GPC6: variants seen among roughly 807,000 people sequenced by gnomAD.
The protein encoded by GPC6 is glypican-6.
Under a neutral mutation model 55.2 loss-of-function variants are expected in GPC6, and 14 were observed. The ratio of observed to expected loss-of-function variants is 0.25; its 90% CI spans 0.17 to 0.40. GPC6 has a LOEUF of 0.40. Among genes scored for constraint, GPC6 ranks in the 10% least tolerant of loss-of-function variants. The probability of loss-of-function intolerance (pLI) is 1.00; values close to 1 mark genes in which losing one functional copy is unlikely to be tolerated. For synonymous variants in GPC6, 278 were observed against 259.6 expected, an observed-to-expected ratio of 1.07 and a Z score of -0.68; for missense variants, 641 against 708.5, an observed-to-expected ratio of 0.90 and a Z score of 1.08.
At chr13:93,332,270 T>C (rs966410340) in intron 1 of GPC6, among the ~76,000 whole-genome samples, 4 of 151,772 alleles carry the variant, frequency 2.6e-5, no homozygotes, top group Non-Finnish European at 5.9e-5. Context: ...TCTTTTTTTT[T>C]TTTTTTTGCG....
At chr13:93,980,757 T>C (rs569162177) in intron 3 of GPC6, among the ~76,000 whole-genome samples, 2 of 152,250 alleles carry the variant, frequency 1.3e-5, no homozygotes, top group East Asian at 3.9e-4. Context: ...GGGGTACAAA[T>C]GTCTGGCCCC....
At chr13:94,249,927 C>T (rs188073095) in intron 4 of GPC6, among the ~76,000 whole-genome samples, 2 of 152,222 alleles carry the variant, frequency 1.3e-5, no homozygotes, top group East Asian at 1.9e-4. Context: ...GTGATAAATT[C>T]GAGATGTCTG....
At chr13:94,343,050 G>T (rs1878119629) in intron 6 of GPC6, among the ~76,000 whole-genome samples, 2 of 152,162 alleles carry the variant, frequency 1.3e-5, no homozygotes, top group African/African-American at 4.8e-5. Context: ...AGTGAGAAAG[G>T]CAGAGAATAA....
At chr13:93,529,846 C>G (rs890189104) in intron 1 of GPC6, among the ~76,000 whole-genome samples, 1 of 152,058 alleles carries the variant, frequency 6.6e-6, no homozygotes, top group East Asian at 1.9e-4. Flanking sequence ...AAAGTCTCTG[C>G]TTATTCTTCT....
At chr13:94,020,696 A>G (rs893803649) in intron 3 of GPC6, among the ~76,000 whole-genome samples, 2 of 152,072 alleles carry the variant, frequency 1.3e-5, no homozygotes, top group Non-Finnish European at 2.9e-5. Flanking sequence ...TTCCCTTTAC[A>G]TTGCATTTCC....
chr13:94,003,720 T>C (rs1881904270), intron 3 of GPC6, among the ~76,000 whole-genome samples: 1 of 152,140 alleles, frequency 6.6e-6, no homozygotes, highest in Non-Finnish European at 1.5e-5. Flanking sequence ...ATTGATTGTA[T>C]AGGTCGAGTG....
intron 4 of GPC6, among the ~76,000 whole-genome samples, chr13:94,165,158 A>G (rs1250450477): frequency 3.3e-5 from 5 of 151,478 alleles, no homozygotes; most frequent in Middle Eastern, 3.2e-3. Context: ...AATGCCTATC[A>G]GTCAACGAGT....
At chr13:94,067,561 GAGATAGATAGATAGATTAT>G (rs1302947438) in intron 4 of GPC6, among the ~76,000 whole-genome samples, 3 of 149,890 alleles carry the variant, frequency 2.0e-5, no homozygotes, top group Non-Finnish European at 4.4e-5. Flanking sequence ...GAGTCCATGA[GAGATAGATAGATAGATTAT>G]AGATAGATAG....
intron 4 of GPC6, among the ~76,000 whole-genome samples, chr13:94,055,935 T>G (rs1006773665): frequency 7.2e-5 from 11 of 152,226 alleles, no homozygotes; most frequent in Non-Finnish European, 2.9e-5. Context: ...GTGGGGAGGC[T>G]GATCTTGAAG....
At chr13:94,243,180 T>G (rs1228723835) in intron 4 of GPC6, among the ~76,000 whole-genome samples, 1 of 152,088 alleles carries the variant, frequency 6.6e-6, no homozygotes, top group Admixed American at 6.6e-5. Flanking sequence ...TATGCTAACT[T>G]GAAAACAAAT....
intron 4 of GPC6, among the ~76,000 whole-genome samples, chr13:94,157,507 G>C (rs1455893098): frequency 6.6e-6 from 1 of 152,164 alleles, no homozygotes; most frequent in Non-Finnish European, 1.5e-5. Context: ...AATGGGAGAA[G>C]TAATGGCCCA....
intron 2 of GPC6, among the ~76,000 whole-genome samples, chr13:93,606,199 G>A (rs1181405049): frequency 6.6e-6 from 1 of 152,154 alleles, no homozygotes; most frequent in Non-Finnish European, 1.5e-5. Context: ...CAATAAAATG[G>A]AATGTAGAAT....
intron 2 of GPC6, among the ~76,000 whole-genome samples, chr13:93,712,335 A>G (rs991946804): frequency 1.3e-5 from 2 of 151,738 alleles, no homozygotes; most frequent in Non-Finnish European, 3.0e-5. Context: ...GGGCAATCAT[A>G]TGAAATATAA....
rs1890355397 is a variant in GPC6, at chr13:94,220,671, G to A, written c.878-65678G>A. On this transcript the variant is annotated intron_variant, in intron 4 of 8. Coordinates refer to ENST00000377047, the MANE Select transcript of GPC6 (RefSeq NM_005708.5). ...GGGCATGCTCTCTCTAGAGGTAGTA[G>A]GGGTCGGTTCTAGGCCTCTCTTCTA... 2.0e-5 allele frequency among the ~76,000 whole-genome samples: 3 copies of A among 152,208 alleles called. No homozygotes were observed. In the South Asian group the frequency reaches 6.2e-4, roughly 32 times the overall value.
rs74735633 is a variant in GPC6, at chr13:93,431,225, A to G, written c.161-114038A>G. ...ACTAACCTAACATTTCTCATGAAGC[A>G]TTTATGTTGACCTGTGATCAAGTCC... On this transcript the variant is annotated intron_variant, in intron 1 of 8. Coordinates refer to ENST00000377047, the MANE Select transcript of GPC6 (RefSeq NM_005708.5). Among the ~76,000 whole-genome samples, 367 of 152,198 alleles carry G rather than the reference A, an allele frequency of 2.4e-3. 4 individuals are homozygous for G. The highest frequency in any genetic ancestry group is 8.3e-3 in the African/African-American group (345 of 41,550).
At chr13:94,079,433 G>C (rs1885030122) in intron 4 of GPC6, among the ~76,000 whole-genome samples, 1 of 152,072 alleles carries the variant, frequency 6.6e-6, no homozygotes, top group Non-Finnish European at 1.5e-5. Flanking sequence ...CTGTTATTTA[G>C]CAGTACTAAT....
At chr13:93,393,127 T>TATATATATATATATAGAG (rs1230857277) in intron 1 of GPC6, among the ~76,000 whole-genome samples, 4 of 87,624 alleles carry the variant, frequency 4.6e-5, no homozygotes, top group African/African-American at 1.6e-4. Flanking sequence ...TATATATATA[T>TATATATATATATATAGAG]AGAGAGAGAG....
chr13:93,764,520 TA>T (rs549016860), intron 2 of GPC6, among the ~76,000 whole-genome samples: 64 of 152,148 alleles, frequency 4.2e-4, no homozygotes, highest in Middle Eastern at 3.4e-3. Context: ...CTTTTTGGGA[TA>T]TTTTTTGTAC....
the GPC6 span, among the ~76,000 whole-genome samples, chr13:93,220,968 G>C: frequency 6.6e-6 from 1 of 152,030 alleles, no homozygotes; most frequent in Non-Finnish European, 1.5e-5. Context: ...CTGCACCCTT[G>C]ACCTCCCAGG....
Sources: allele counts gnomAD v4.1 joint callset (sites outside exome capture counted in the v4.1 genomes callset), GRCh38; gene constraint gnomAD v4.1.1; transcripts MANE v1.5; gene names NCBI Gene and HGNC (gene_info 2026-07-23, HGNC 2026-07-21).